The following NPHS1 variants were observed in gnomAD, a reference collection of about 807,000 sequenced individuals.
The protein encoded by NPHS1 is nephrin.
Under a neutral mutation model 139.7 loss-of-function variants are expected in NPHS1, and 107 were observed. The observed-to-expected ratio is 0.77, with a 90% CI of 0.66 to 0.90. The LOEUF (loss-of-function observed/expected upper bound fraction) is 0.90, where lower values mean the gene tolerates loss of function less well. NPHS1 is among the 40% of genes least tolerant of loss of function. The pLI, the probability that NPHS1 is intolerant of heterozygous loss-of-function variation, is 0.00. For missense variants in NPHS1, 1,580 were observed against 1,654.2 expected (o/e 0.96, Z 0.78); for synonymous variants, 707 against 706.6 (o/e 1.00, Z -0.01).
At position 35,852,086 on chromosome 19, in the gene NPHS1, CT is replaced by C. The variant is rs1210600220; in HGVS notation, c.-250del. ...TTAAAAAAACTTTTTTTTCTTTTTTCTTTTTTTTTTCTTTTTTTTTTTTTTA... is the reference window on the plus strand; with the variant it reads ...TTAAAAAAACTTTTTTTTCTTTTTTCTTTTTTTTTCTTTTTTTTTTTTTTA... On this transcript the variant is annotated 5_prime_UTR_variant, in exon 1 of 29. Transcript: ENST00000378910. Among the ~76,000 whole-genome samples, 148 of 141,084 alleles carry C rather than the reference CT, an allele frequency of 1.0e-3. 1 individual carries two copies. Among genetic ancestry groups the C allele is most frequent in the South Asian group, 2.9e-3 (13 of 4,448 alleles). 92.6% of individuals were successfully genotyped at this position (141,084 alleles called of 152,430 possible). A position where few individuals can be genotyped will look rare whatever the true frequency, so the allele number is the denominator to read the frequency against.
chr19:35,840,301 G>T (rs1279519069), intron 20 of NPHS1, among the ~76,000 whole-genome samples: 1 of 151,244 alleles, frequency 6.6e-6, no homozygotes. Context: ...CACCGCGCCT[G>T]GCATGGTTAG....
intron 22 of NPHS1, among the ~76,000 whole-genome samples, chr19:35,838,038 G>A (rs764661241): frequency 2.0e-5 from 3 of 150,994 alleles, no homozygotes; most frequent in Admixed American, 6.6e-5. Context: ...GATCACCTGA[G>A]GTCAGGAGTT....
At chr19:35,834,613 C>T (rs866225146) in intron 23 of NPHS1, among the ~76,000 whole-genome samples, 2 of 152,048 alleles carry the variant, frequency 1.3e-5, no homozygotes, top group Non-Finnish European at 1.5e-5. Context: ...AAAAATTGGC[C>T]AGATGCAGTG....
chr19:35,827,286 G>C (rs557242987), intron 28 of NPHS1, among the ~76,000 whole-genome samples: 1 of 151,724 alleles, frequency 6.6e-6, no homozygotes, highest in South Asian at 2.1e-4. Flanking sequence ...CCACTGCACC[G>C]AGCCTATAAA....
In NPHS1 at chr19:35,842,124, C is replaced by G. The variant is rs778951863; in HGVS notation, c.2663G>C (p.Arg888Thr). The G allele has an allele frequency of 1.9e-6, 3 of 1,603,210 alleles. No individual in the cohort carries two copies. The South Asian group carries it at 3.4e-5, about 18-fold the overall frequency. The change falls in exon 19 of 29, where the codon AGG (arginine) becomes ACG (threonine). Residue 888 changes from arginine to threonine, a missense_variant and splice_region_variant. Arg to Thr is a moderately conservative substitution (Grantham distance 71, BLOSUM62 -1). Transcript: ENST00000378910. Reference protein sequence around the residue: ...NGVPLDLQDPRYTEHTYHQGG... With the variant: ...NGVPLDLQDPTYTEHTYHQGG... ...GCTGCCTGGCTGGGCTTGGGCTCAC[C>G]TGGGATCTTGGAGATCCAGAGGGAC...
intron 23 of NPHS1, among the ~76,000 whole-genome samples, chr19:35,834,709 G>A (rs1173045329): frequency 6.6e-6 from 1 of 151,706 alleles, no homozygotes; most frequent in African/African-American, 2.4e-5. Flanking sequence ...GGCTAACGCG[G>A]TGAAACCTCA....
At chr19:35,838,497 G>T (rs887108618) in intron 22 of NPHS1, among the ~76,000 whole-genome samples, 1 of 152,158 alleles carries the variant, frequency 6.6e-6, no homozygotes, top group Non-Finnish European at 1.5e-5. Flanking sequence ...AGGTTGTAGT[G>T]AGCCAAGATC....
At chr19:35,850,243 T>C in intron 5 of NPHS1, 121 bp downstream of exon 5, 1 of 776,906 alleles carries the variant, frequency 1.3e-6, no homozygotes, top group Non-Finnish European at 2.3e-6. Flanking sequence ...AGAGTCAGGA[T>C]GAAGAATTGG....
Position 35,848,801 on chromosome 19 carries a change from G to T in NPHS1, c.1013-7C>A, listed in dbSNP as rs1231415297. ...ATAATGGCACTAGGGGGAACTGCAG[G>T]GACAGAGAAGGAAGACACTAAGCTG... is the stretch of plus-strand genomic sequence containing the variant. On this transcript the variant is annotated splice_region_variant and splice_polypyrimidine_tract_variant and intron_variant, in intron 8 of 28. Transcript: ENST00000378910. 1 of 1,614,168 alleles carries T rather than the reference G, an allele frequency of 6.2e-7. No individual in the cohort carries two copies. Among genetic ancestry groups the T allele is most frequent in the South Asian group, 1.1e-5 (1 of 91,070 alleles).
In NPHS1 at chr19:35,851,794, C is replaced by T. The variant is rs373782564; in HGVS notation, c.44G>A (p.Gly15Glu). 12 of 1,553,440 alleles carry T rather than the reference C, an allele frequency of 7.7e-6. No individual in the cohort carries two copies. The highest frequency in any genetic ancestry group is 9.6e-6 in the Non-Finnish European group (11 of 1,148,018). Residue 15 changes from glycine (G) to glutamate (E), a missense_variant, in exon 1 of 29, where the codon GGG becomes GAG. Physicochemically the swap from Gly to Glu is moderately conservative, Grantham distance 98. Coordinates refer to ENST00000378910, the MANE Select transcript of NPHS1 (RefSeq NM_004646.4). ...ATCCCACTCACCTTCAGTCAGCAGC[C>T]CCAGGAGCAGGAGAGAAGCCCTGAG... Reference protein sequence around the residue: ...TTLRASLLLLGLLTEGLAQLA... With the variant: ...TTLRASLLLLELLTEGLAQLA...
chr19:35,850,537 T>TC, intron 4 of NPHS1, 92 bp from the exon 5 acceptor site: 7 of 1,058,990 alleles, frequency 6.6e-6, no homozygotes, highest in Non-Finnish European at 8.8e-6. Context: ...GTGGGTGCGA[T>TC]GCCCCCTCCC....
chr19:35,841,621 G>T, intron 20 of NPHS1, 94 bp downstream of exon 20: 1 of 1,485,920 alleles, frequency 6.7e-7, no homozygotes, highest in Non-Finnish European at 9.3e-7. Flanking sequence ...AGAACTTCCG[G>T]TTTCAGAAAC....
chr19:35,849,220 C>T lies in NPHS1; in HGVS notation c.840+16G>A. ...CCCACTGTCCCCCCATTCCCCATGC[C>T]CGCGTTTGCCCTCACCTTCAGCCAC... is the stretch of plus-strand genomic sequence containing the variant. On this transcript the variant is annotated intron_variant, in intron 7 of 28. Coordinates refer to ENST00000378910, the MANE Select transcript of NPHS1 (RefSeq NM_004646.4). 2.5e-6 allele frequency: 4 copies of T among 1,613,804 alleles called. No individual in the cohort carries two copies. The highest frequency in any genetic ancestry group is 3.4e-6 in the Non-Finnish European group (4 of 1,180,034).
chr19:35,842,088 G>A, intron 19 of NPHS1, 36 bp downstream of exon 19: 2 of 1,587,886 alleles, frequency 1.3e-6, no homozygotes, highest in Non-Finnish European at 1.7e-6. Context: ...GTCCAGACCT[G>A]GGGCTGGAGT....
At position 35,830,895 on chromosome 19, in the gene NPHS1, T is replaced by C; in HGVS notation, c.3543A>G (p.Arg1181=). 6.2e-7 allele frequency: 1 copy of C among 1,614,066 alleles called. No homozygotes were observed. The highest frequency in any genetic ancestry group is 8.5e-7 in the Non-Finnish European group (1 of 1,179,942). ...FPGHLYDEVE[R]TYPPSGAWGP... Reference sequence around the variant, plus strand: ...CCCAGGCTCCAGACGGGGGGTACGTTCTTTCTACCTCATCATACAAGTGCC... The same window carrying C: ...CCCAGGCTCCAGACGGGGGGTACGTCCTTTCTACCTCATCATACAAGTGCC... The change falls in exon 28 of 29, where the codon AGA becomes AGG. Residue 1181 remains arginine, a synonymous_variant. Coordinates refer to ENST00000378910, the MANE Select transcript of NPHS1 (RefSeq NM_004646.4).
In NPHS1 at chr19:35,830,926, A is replaced by C; in HGVS notation, c.3512T>G (p.Phe1171Cys). ...TACCTCATCATACAAGTGCCCAGGG[A>C]AGGCCATATCCTCATCTTCACCTGT... is the stretch of plus-strand genomic sequence containing the variant. ...GFTGEDEDMA[F>C]PGHLYDEVER... Residue 1171 changes from phenylalanine to cysteine, a missense_variant, in exon 28 of 29, where the codon TTC becomes TGC. Phe to Cys is a radical substitution (Grantham distance 205, BLOSUM62 -2). Coordinates refer to ENST00000378910, the MANE Select transcript of NPHS1 (RefSeq NM_004646.4). 1.2e-6 allele frequency: 2 copies of C among 1,613,986 alleles called. No individual in the cohort carries two copies. The highest frequency in any genetic ancestry group is 2.2e-5 in the East Asian group (1 of 44,886).
intron 28 of NPHS1, among the ~76,000 whole-genome samples, chr19:35,829,754 GTCTCGAAC>G (rs1972850005): frequency 6.6e-6 from 1 of 151,946 alleles, no homozygotes; most frequent in Admixed American, 6.6e-5. Flanking sequence ...GGCCAGGCTG[GTCTCGAAC>G]TCTTGACCTC....
At chr19:35,831,414 C>A in intron 25 of NPHS1, 43 bp from the exon 26 acceptor site, 3 of 1,612,900 alleles carry the variant, frequency 1.9e-6, no homozygotes, top group Non-Finnish European at 2.5e-6. Flanking sequence ...TGCTGCCCCC[C>A]GCCACCAGTC....
rs751132284 is a variant in NPHS1 at position 35,845,374 on chromosome 19, C to T, written c.1924G>A (p.Val642Ile). Reference sequence around the variant, plus strand: ...TTCAGGCCGGGGCACATACACAGTACGTTGAGGCGATAGAAGGAGCTCACG... The same window carrying T: ...TTCAGGCCGGGGCACATACACAGTATGTTGAGGCGATAGAAGGAGCTCACG... ...ETVSSFYRLN[V>I]LYRPEFLGEQ... The change falls in exon 14 of 29, where the codon GTA becomes ATA. Residue 642 changes from valine (V) to isoleucine (I), a missense_variant. By Grantham distance (29) the Val-to-Ile change is conservative. Transcript: ENST00000378910. The surrounding 1 kb of genome is among the most constrained non-coding windows in gnomAD (Gnocchi z 5.5). 3 of 1,614,114 alleles carry T rather than the reference C, an allele frequency of 1.9e-6. No homozygotes were observed. The South Asian group carries it at 3.3e-5, about 18-fold the overall frequency.
Sources: allele counts gnomAD v4.1 joint callset (sites outside exome capture counted in the v4.1 genomes callset), GRCh38; gene constraint gnomAD v4.1.1; non-coding constraint Gnocchi (gnomAD v3.1); transcripts MANE v1.5; gene names NCBI Gene and HGNC (gene_info 2026-07-23, HGNC 2026-07-21).